Variants in ANO4 observed in about 807,000 individuals in gnomAD.
ANO4 encodes anoctamin 4, also known as anoctamin-4.
Under a neutral mutation model 141.9 loss-of-function variants are expected in ANO4, and 69 were observed. That is an observed-to-expected ratio of 0.49 (90% confidence interval 0.40 to 0.59). ANO4 has a LOEUF of 0.59. Among genes scored for constraint, ANO4 ranks in the 20% least tolerant of loss-of-function variants. ANO4 has a pLI of 0.00. For synonymous variants in ANO4, 350 were observed against 394.3 expected, an observed-to-expected ratio of 0.89 and a Z score of 1.33; for missense variants, 894 against 1,162.2, an observed-to-expected ratio of 0.77 and a Z score of 3.36.
At chr12:100,967,501 T>C (rs1176545797) in intron 5 of ANO4, among the ~76,000 whole-genome samples, 1 of 151,958 alleles carries the variant, frequency 6.6e-6, no homozygotes, top group African/African-American at 2.4e-5. Context: ...CCTTCTCAGT[T>C]CTTCCTTGAA....
intron 3 of ANO4, among the ~76,000 whole-genome samples, chr12:100,762,600 G>C (rs2032913778): frequency 6.6e-6 from 1 of 152,134 alleles, no homozygotes; most frequent in African/African-American, 2.4e-5. Flanking sequence ...CTTCCCTGGG[G>C]ACAAGTGCAC....
At chr12:100,996,510 C>G (rs1043241176) in intron 8 of ANO4, among the ~76,000 whole-genome samples, 4 of 152,096 alleles carry the variant, frequency 2.6e-5, no homozygotes, top group African/African-American at 7.2e-5. Flanking sequence ...ATGGTGAAAC[C>G]CTGTCTCTAC....
chr12:101,091,809 A>T (rs1316802816), intron 17 of ANO4, among the ~76,000 whole-genome samples: 1 of 151,972 alleles, frequency 6.6e-6, no homozygotes, highest in African/African-American at 2.4e-5. Flanking sequence ...TTTTTGCTAG[A>T]TTTGTCCAGT....
Position 100,982,300 on chromosome 12 carries a change from T to A in ANO4, c.603-5239T>A, listed in dbSNP as rs559543426. ...AATCATTAAGCCAATGTTTTCTCTT[T>A]TCTATTCCCTATTGGTGGAGGCTTC... is the stretch of plus-strand genomic sequence containing the variant. On this transcript the variant is annotated intron_variant, in intron 7 of 27. Transcript: ENST00000392977. 1.8e-4 allele frequency among the ~76,000 whole-genome samples: 27 copies of A among 152,324 alleles called. 1 individual carries two copies. The highest frequency in any genetic ancestry group is 6.5e-4 in the African/African-American group (27 of 41,578).
At chr12:100,943,514 T>C (rs2042597570) in intron 5 of ANO4, among the ~76,000 whole-genome samples, 1 of 152,226 alleles carries the variant, frequency 6.6e-6, no homozygotes, top group African/African-American at 2.4e-5. Flanking sequence ...AAATGGGATT[T>C]TTTTCAGATC....
At chr12:100,853,974 A>G (rs1593525787) in intron 1 of ANO4, among the ~76,000 whole-genome samples, 1 of 152,284 alleles carries the variant, frequency 6.6e-6, no homozygotes, top group East Asian at 1.9e-4. Flanking sequence ...CAACATGACA[A>G]CCAGTTTATT....
At chr12:101,056,565 C>G (rs1346033086) in intron 14 of ANO4, among the ~76,000 whole-genome samples, 1 of 151,958 alleles carries the variant, frequency 6.6e-6, no homozygotes, top group African/African-American at 2.4e-5. Flanking sequence ...TCTTTCTAAT[C>G]TATATGAGTT....
At chr12:100,751,376 C>A (rs868059963) in intron 3 of ANO4, among the ~76,000 whole-genome samples, 76 of 152,244 alleles carry the variant, frequency 5.0e-4, no homozygotes, top group Middle Eastern at 3.4e-3. Flanking sequence ...GGTTTTCCAA[C>A]CCCCAGGAAC....
At chr12:100,776,703 C>T (rs1451892049) in intron 3 of ANO4, among the ~76,000 whole-genome samples, 1 of 152,144 alleles carries the variant, frequency 6.6e-6, no homozygotes. Context: ...CCTTTAGGGC[C>T]CACCTGCTGG....
intron 9 of ANO4, among the ~76,000 whole-genome samples, chr12:101,023,359 A>G (rs944933797): frequency 3.3e-5 from 5 of 152,168 alleles, no homozygotes; most frequent in African/African-American, 7.2e-5. Flanking sequence ...TTTCTATTCA[A>G]AGACCTCCAT....
At chr12:100,961,554 G>A (rs1292500243) in intron 5 of ANO4, among the ~76,000 whole-genome samples, 20 of 152,136 alleles carry the variant, frequency 1.3e-4, no homozygotes, top group Admixed American at 8.5e-4. Context: ...GGCACTAGCC[G>A]ATAGAAATAA....
chr12:100,941,978 T>TATTATA (rs1477509714), intron 4 of ANO4, among the ~76,000 whole-genome samples: 1 of 148,018 alleles, frequency 6.8e-6, no homozygotes, highest in African/African-American at 2.5e-5. Context: ...TTATTATTAT[T>TATTATA]ATTATTATTA....
At chr12:101,036,474 A>G (rs1184630971) in intron 9 of ANO4, among the ~76,000 whole-genome samples, 2 of 152,186 alleles carry the variant, frequency 1.3e-5, no homozygotes, top group Admixed American at 1.3e-4. Flanking sequence ...AGAATGGATA[A>G]AGGAATTGTG....
At chr12:100,741,962 C>T (rs1158999448) in intron 3 of ANO4, among the ~76,000 whole-genome samples, 2 of 151,980 alleles carry the variant, frequency 1.3e-5, no homozygotes, top group Admixed American at 6.6e-5. Context: ...CTTTTTTTCT[C>T]CTCCATAGAG....
chr12:100,844,856 G>A (rs1310445998), intron 1 of ANO4, among the ~76,000 whole-genome samples: 1 of 152,092 alleles, frequency 6.6e-6, no homozygotes, highest in Non-Finnish European at 1.5e-5. Context: ...GGGAATAGGG[G>A]AGATCAACAA....
At chr12:100,996,929 C>T (rs564924699) in intron 8 of ANO4, among the ~76,000 whole-genome samples, 24 of 151,206 alleles carry the variant, frequency 1.6e-4, no homozygotes, top group Non-Finnish European at 2.8e-4. Context: ...TCCAGGGTTA[C>T]ACCATAGGTA....
chr12:101,110,613 T>A (rs1269300734), intron 23 of ANO4, 57 bp downstream of exon 23: 2 of 1,377,472 alleles, frequency 1.5e-6, no homozygotes, highest in Non-Finnish European at 1.9e-6. Flanking sequence ...GTGGATAAAA[T>A]TTTAAAAGCC....
chr12:101,009,363 G>A (rs2045988988), intron 8 of ANO4, among the ~76,000 whole-genome samples: 1 of 152,060 alleles, frequency 6.6e-6, no homozygotes, highest in Non-Finnish European at 1.5e-5. Flanking sequence ...CTCCAGAACT[G>A]TGAGAAAACA....
chr12:100,756,981 C>T (rs892630533), intron 3 of ANO4, among the ~76,000 whole-genome samples: 2 of 152,176 alleles, frequency 1.3e-5, no homozygotes, highest in South Asian at 4.1e-4. Flanking sequence ...GGATGTCCTG[C>T]AGGCACTCTG....
Sources: gnomAD v4.1 joint callset for allele counts (sites outside exome capture counted in the v4.1 genomes callset) on GRCh38, gnomAD v4.1.1 for gene constraint, MANE v1.5 for transcripts, NCBI Gene and HGNC (gene_info 2026-07-23, HGNC 2026-07-21) for gene names.